The following GUSB variants were observed in gnomAD, a reference collection of about 807,000 sequenced individuals.
GUSB encodes beta-glucuronidase.
Under a neutral mutation model 74.6 loss-of-function variants are expected in GUSB, and 51 were observed. The observed-to-expected ratio is 0.68, with a 90% CI of 0.55 to 0.86. GUSB has a LOEUF of 0.86. Ranked by LOEUF, GUSB falls within the 40% of genes least tolerant of loss-of-function variation. The pLI is 0.00. For synonymous variants in GUSB, 360 were observed against 348.3 expected (o/e 1.03, Z -0.37); for missense variants, 736 against 853.7 (o/e 0.86, Z 1.72).
intron 11 of GUSB, among the ~76,000 whole-genome samples, chr7:65,962,895 A>G (rs1384905650): frequency 1.3e-5 from 2 of 151,504 alleles, no homozygotes; most frequent in African/African-American, 2.4e-5. Context: ...GTCTCACTCT[A>G]TTGCTCAAGC....
chr7:65,975,926 C>A, intron 5 of GUSB, 89 bp downstream of exon 5: 1 of 1,015,062 alleles, frequency 9.9e-7, no homozygotes, highest in South Asian at 1.4e-5. Flanking sequence ...CCATGCCTGC[C>A]CATCCACCTG....
chr7:65,971,571 T>C (rs536904470), intron 8 of GUSB, among the ~76,000 whole-genome samples: 1 of 151,192 alleles, frequency 6.6e-6, no homozygotes, highest in Non-Finnish European at 1.5e-5. Context: ...TACAAAAAAA[T>C]ACAAAAAAAA....
intron 11 of GUSB, 72 bp from the exon 12 acceptor site, chr7:65,961,135 G>T: frequency 7.3e-7 from 1 of 1,368,582 alleles, no homozygotes; most frequent in Non-Finnish European, 1.0e-6. Context: ...CCAGTCTGGA[G>T]CTAAGGTAGG....
At chr7:65,970,807 T>C (rs1443017360) in intron 8 of GUSB, among the ~76,000 whole-genome samples, 1 of 151,848 alleles carries the variant, frequency 6.6e-6, no homozygotes, top group Non-Finnish European at 1.5e-5. Flanking sequence ...AAGAATGGCG[T>C]GAACCCAGAA....
intron 4 of GUSB, among the ~76,000 whole-genome samples, chr7:65,976,956 C>A (rs972221080): frequency 3.3e-5 from 5 of 151,874 alleles, no homozygotes; most frequent in African/African-American, 1.2e-4. Flanking sequence ...AACCACGGCA[C>A]TGAGACACGT....
chr7:65,976,394 C>T (rs572217782), intron 4 of GUSB, among the ~76,000 whole-genome samples, 192 bp from the exon 5 acceptor site: 12 of 151,846 alleles, frequency 7.9e-5, no homozygotes, highest in African/African-American at 2.9e-4. Flanking sequence ...GGCATGATCT[C>T]GGCTCACTGC....
At chr7:65,975,885 A>C in intron 5 of GUSB, 130 bp downstream of exon 5, 1 of 701,930 alleles carries the variant, frequency 1.4e-6, no homozygotes. Context: ...GCCTCCCACC[A>C]AGGGTGAGAA....
chr7:65,974,715 G>A lies in GUSB; in HGVS notation c.1066-11C>T, dbSNP rs980469778. 1 of 1,612,272 alleles carries A rather than the reference G, an allele frequency of 6.2e-7. No individual in the cohort carries two copies. Among genetic ancestry groups the A allele is most frequent in the Admixed American group, 1.7e-5 (1 of 60,014 alleles). On this transcript the variant is annotated splice_polypyrimidine_tract_variant and intron_variant, in intron 6 of 11. Transcript: ENST00000304895. The stretch of plus-strand genomic sequence containing the variant: ...GCCCTTCCCTCGGATCTAGGAGATA[G>A]CAGAGCCAAGTGACCCCTGTCCCTG...
chr7:65,976,621 G>A (rs528735116), intron 4 of GUSB, among the ~76,000 whole-genome samples: 23 of 149,724 alleles, frequency 1.5e-4, no homozygotes, highest in South Asian at 2.3e-4. Context: ...CACCGCACCC[G>A]GTGCTTTTTT....
intron 4 of GUSB, 128 bp from the exon 5 acceptor site, chr7:65,976,330 TA>T: frequency 1.9e-5 from 13 of 702,136 alleles, no homozygotes; most frequent in Non-Finnish European, 3.2e-5. Context: ...TTTAATTTCT[TA>T]TTTTTTTTTT....
chr7:65,980,557 G>A (rs748642489), intron 1 of GUSB, 148 bp from the exon 2 acceptor site: 4 of 747,728 alleles, frequency 5.3e-6, no homozygotes, highest in Non-Finnish European at 9.3e-6. Flanking sequence ...GCTGATGACA[G>A]GTCAACTGCC....
In GUSB at chr7:65,964,261, G is replaced by A. The variant is rs1229403061; in HGVS notation, c.1789+62C>T. ...TCTTACAATTGAAATGGCCAGAATT[G>A]GAAAGGCAACCTGAAAAAATGAGGA... On this transcript the variant is annotated intron_variant, in intron 11 of 11. Transcript: ENST00000304895. The A allele has an allele frequency of 3.5e-6, 5 of 1,430,958 alleles. No homozygotes were observed. The Admixed American group carries it at 8.4e-5, about 24-fold the overall frequency. 88.6% of individuals were successfully genotyped at this position (1,430,958 alleles called of 1,614,324 possible).
At chr7:65,979,271 T>C (rs945590722) in intron 4 of GUSB, 128 bp downstream of exon 4, 4 of 987,778 alleles carry the variant, frequency 4.0e-6, no homozygotes, top group South Asian at 1.3e-5. Context: ...TTTAGCTTCA[T>C]AGGTGGAAGG....
chr7:65,968,386 T>C (rs1434739245), intron 9 of GUSB, among the ~76,000 whole-genome samples: 2 of 152,142 alleles, frequency 1.3e-5, no homozygotes, highest in African/African-American at 2.4e-5. Flanking sequence ...GACTCCACAC[T>C]GACACTCATG....
intron 5 of GUSB, 150 bp downstream of exon 5, chr7:65,975,865 A>T: frequency 1.6e-6 from 1 of 621,306 alleles, no homozygotes; most frequent in Non-Finnish European, 2.8e-6. Flanking sequence ...AAAAAAAAAA[A>T]AGAAAATGGG....
chr7:65,964,612 C>G (rs562987319), intron 10 of GUSB, among the ~76,000 whole-genome samples, 154 bp from the exon 11 acceptor site: 299 of 152,056 alleles, frequency 2.0e-3, no homozygotes, highest in Non-Finnish European at 3.1e-3. Context: ...GTAAAGACAG[C>G]CAGGGAATGA....
intron 9 of GUSB, among the ~76,000 whole-genome samples, chr7:65,969,627 T>G (rs1380469702): frequency 2.0e-5 from 3 of 152,006 alleles, no homozygotes; most frequent in Non-Finnish European, 4.4e-5. Flanking sequence ...GGCTCAGGAA[T>G]TCAAGGCTGC....
chr7:65,975,510 G>T, intron 5 of GUSB: 1 of 254,074 alleles, frequency 3.9e-6, no homozygotes, highest in Admixed American at 5.1e-5. Flanking sequence ...TCAGCCTCCC[G>T]AGTGGCTGGA....
At chr7:65,973,970 G>A (rs1439627820) in intron 8 of GUSB, among the ~76,000 whole-genome samples, 6 of 151,518 alleles carry the variant, frequency 4.0e-5, no homozygotes, top group Non-Finnish European at 8.8e-5. Context: ...GTTCATGGGT[G>A]CCTGTAATCC....
Sources: allele counts gnomAD v4.1 joint callset (sites outside exome capture counted in the v4.1 genomes callset), GRCh38; gene constraint gnomAD v4.1.1; transcripts MANE v1.5; gene names NCBI Gene and HGNC (gene_info 2026-07-23, HGNC 2026-07-21).